Variants in BANP observed in about 807,000 individuals in gnomAD.
BANP encodes protein BANP.
In BANP, 11 loss-of-function variants were observed where a neutral mutation model predicts 68.1. The observed-to-expected ratio is 0.16, with a 90% CI of 0.10 to 0.27. BANP has a LOEUF of 0.27. Ranked by LOEUF, BANP falls within the 10% of genes least tolerant of loss-of-function variation. The pLI is 1.00. For missense variants in BANP, 504 were observed against 722.7 expected (o/e 0.70, Z 3.47); for synonymous variants, 329 against 303.2 (o/e 1.09, Z -0.88).
chr16:88,029,554 T>C (rs894517139), intron 8 of BANP, among the ~76,000 whole-genome samples: 5 of 144,890 alleles, frequency 3.5e-5, no homozygotes, highest in East Asian at 2.0e-4. Context: ...GAGCTTGCAG[T>C]GAGCCGAGAT....
At chr16:88,031,860 C>T (rs1487761334) in intron 8 of BANP, among the ~76,000 whole-genome samples, 1 of 150,426 alleles carries the variant, frequency 6.6e-6, no homozygotes, top group Non-Finnish European at 1.5e-5. Flanking sequence ...AGCTGAGTGC[C>T]ATGGTGCCAT....
chr16:88,019,487 T>C (rs1320824690), intron 7 of BANP, among the ~76,000 whole-genome samples: 1 of 147,690 alleles, frequency 6.8e-6, no homozygotes, highest in Non-Finnish European at 1.5e-5. Context: ...AAATCTGATC[T>C]CGAAACAGGG....
At position 88,076,614 on chromosome 16, in the gene BANP, C is replaced by T. The variant is rs776443093; in HGVS notation, c.1546C>T (p.Leu516=). ...AQTAEALQPT[L]QPEMQLEHGA... ...GACGGCCGAAGCCCTGCAGCCCACG[C>T]TACAGCCGGAGATGCAGCTCGAGCA... The change falls in exon 14 of 14, where the codon CTA becomes TTA. Residue 516 remains leucine (L), a synonymous_variant. Coordinates refer to ENST00000682872, the MANE Select transcript of BANP (RefSeq NM_001386991.1). 3 of 1,612,262 alleles carry T rather than the reference C, an allele frequency of 1.9e-6. No homozygotes were observed. Among genetic ancestry groups the T allele is most frequent in the East Asian group, 4.5e-5 (2 of 44,870 alleles).
chr16:87,958,972 C>T (rs2058614357), intron 1 of BANP, among the ~76,000 whole-genome samples: 1 of 152,192 alleles, frequency 6.6e-6, no homozygotes. Context: ...CCTTGCGGCG[C>T]CTTGGCAGTG....
chr16:88,072,556 C>T (rs567038177), intron 13 of BANP, among the ~76,000 whole-genome samples: 65 of 152,376 alleles, frequency 4.3e-4, no homozygotes, highest in African/African-American at 1.5e-3. Context: ...CCGGAGAGCT[C>T]CCTGCCCCAC....
chr16:88,038,026 C>G lies in BANP; in HGVS notation c.1311+15C>G. 6.2e-7 allele frequency: 1 copy of G among 1,613,406 alleles called. No homozygotes were observed. Among genetic ancestry groups the G allele is most frequent in the South Asian group, 1.1e-5 (1 of 91,068 alleles). On this transcript the variant is annotated intron_variant, in intron 11 of 13. Coordinates refer to ENST00000682872, the MANE Select transcript of BANP (RefSeq NM_001386991.1). ...AGGACGGTCAGGTGAGTGTCCCAGTCCCCATGCACATGCGGGCGTTGCGCT... is the reference window on the plus strand; with the variant it reads ...AGGACGGTCAGGTGAGTGTCCCAGTGCCCATGCACATGCGGGCGTTGCGCT...
intron 8 of BANP, among the ~76,000 whole-genome samples, chr16:88,031,861 A>G (rs1211345226): frequency 8.2e-6 from 1 of 122,638 alleles, no homozygotes; most frequent in Non-Finnish European, 1.6e-5. Context: ...GCTGAGTGCC[A>G]TGGTGCCATC....
chr16:87,954,190 C>G (rs566270136), intron 1 of BANP, among the ~76,000 whole-genome samples: 3 of 152,106 alleles, frequency 2.0e-5, no homozygotes, highest in African/African-American at 7.2e-5. Context: ...TTCTGTGTCT[C>G]GTTTATTCTC....
intron 11 of BANP, among the ~76,000 whole-genome samples, 168 bp from the exon 12 acceptor site, chr16:88,065,099 T>C (rs1430697314): frequency 6.6e-6 from 1 of 152,148 alleles, no homozygotes; most frequent in Non-Finnish European, 1.5e-5. Flanking sequence ...TAAAGAGCCC[T>C]TTGGGGACCT....
At chr16:88,022,792 C>T (rs1279799090) in intron 7 of BANP, among the ~76,000 whole-genome samples, 7 of 152,224 alleles carry the variant, frequency 4.6e-5, no homozygotes, top group African/African-American at 9.6e-5. Context: ...TCTCTGGCCG[C>T]ATCCCCCTCG....
chr16:87,995,832 A>G (rs940539089), intron 4 of BANP, among the ~76,000 whole-genome samples: 3 of 152,226 alleles, frequency 2.0e-5, no homozygotes, highest in Non-Finnish European at 4.4e-5. Context: ...CGGGGCGCCA[A>G]GGGGAAGCAG....
At chr16:88,041,401 A>G (rs1330016545) in intron 11 of BANP, among the ~76,000 whole-genome samples, 3 of 152,182 alleles carry the variant, frequency 2.0e-5, no homozygotes, top group Non-Finnish European at 4.4e-5. Flanking sequence ...ACCTGCTGCC[A>G]GGGGACCATT....
At chr16:88,029,044 T>C (rs1455168853) in intron 8 of BANP, among the ~76,000 whole-genome samples, 1 of 152,106 alleles carries the variant, frequency 6.6e-6, no homozygotes, top group Non-Finnish European at 1.5e-5. Context: ...TGGTGGCTCA[T>C]GCCTGTAATC....
intron 11 of BANP, among the ~76,000 whole-genome samples, chr16:88,052,251 A>G (rs917807813): frequency 1.3e-5 from 2 of 152,226 alleles, no homozygotes; most frequent in East Asian, 1.9e-4. Flanking sequence ...CGTCATCCTT[A>G]GAAAGCTGAA....
At chr16:88,014,575 G>T (rs2074030819) in intron 6 of BANP, among the ~76,000 whole-genome samples, 1 of 152,096 alleles carries the variant, frequency 6.6e-6, no homozygotes, top group African/African-American at 2.4e-5. Context: ...TCACCACAGA[G>T]AGCTCAGCTA....
At chr16:87,989,270 T>A (rs556186428) in intron 4 of BANP, among the ~76,000 whole-genome samples, 1 of 152,292 alleles carries the variant, frequency 6.6e-6, no homozygotes, top group African/African-American at 2.4e-5. Flanking sequence ...TTCCTGCAGG[T>A]GCGCCATCAG....
At chr16:88,050,007 A>G (rs1020119627) in intron 11 of BANP, among the ~76,000 whole-genome samples, 2 of 152,220 alleles carry the variant, frequency 1.3e-5, no homozygotes, top group Non-Finnish European at 1.5e-5. Flanking sequence ...TCTTCAGGAA[A>G]GAGCTGGTGT....
intron 1 of BANP, among the ~76,000 whole-genome samples, chr16:87,972,684 A>G (rs901747249): frequency 1.1e-4 from 17 of 152,146 alleles, no homozygotes; most frequent in African/African-American, 4.1e-4. Flanking sequence ...GGAAGTTTTA[A>G]AAATACAGCA....
At chr16:88,067,379 C>T (rs1394250630) in intron 12 of BANP, among the ~76,000 whole-genome samples, 1 of 152,116 alleles carries the variant, frequency 6.6e-6, no homozygotes, top group South Asian at 2.1e-4. Flanking sequence ...ACCACATCTG[C>T]GCCGGGGCCT....
Sources: allele counts gnomAD v4.1 joint callset (sites outside exome capture counted in the v4.1 genomes callset), GRCh38; gene constraint gnomAD v4.1.1; transcripts MANE v1.5; gene names NCBI Gene and HGNC (gene_info 2026-07-23, HGNC 2026-07-21).